KIAA1217: variants seen among roughly 807,000 people sequenced by gnomAD.
The protein encoded by KIAA1217 is sickle tail protein homolog.
In KIAA1217, 88 loss-of-function variants were observed where a neutral mutation model predicts 163.9. The observed-to-expected ratio is 0.54, with a 90% CI of 0.45 to 0.64. KIAA1217 has a LOEUF of 0.64. KIAA1217 is among the 30% of genes least tolerant of loss of function. The pLI, the probability that KIAA1217 is intolerant of heterozygous loss-of-function variation, is 0.00. For synonymous variants in KIAA1217, 903 were observed against 923.1 expected, an observed-to-expected ratio of 0.98 and a Z score of 0.39; for missense variants, 2,372 against 2,475.0, an observed-to-expected ratio of 0.96 and a Z score of 0.88.
intron 2 of KIAA1217, among the ~76,000 whole-genome samples, chr10:24,282,403 C>T (rs1274181823): frequency 6.6e-6 from 1 of 152,078 alleles, no homozygotes; most frequent in East Asian, 1.9e-4. Context: ...CTATGTTCCC[C>T]CTCCTTCAGG....
intron 1 of KIAA1217, among the ~76,000 whole-genome samples, chr10:23,934,547 G>T (rs1589105947): frequency 2.8e-5 from 3 of 106,812 alleles, no homozygotes; most frequent in Non-Finnish European, 3.9e-5. Context: ...TATATTAAGT[G>T]GTCTTTAAAG....
intron 2 of KIAA1217, among the ~76,000 whole-genome samples, chr10:24,302,007 T>A (rs2041413619): frequency 6.6e-6 from 1 of 152,154 alleles, no homozygotes; most frequent in Non-Finnish European, 1.5e-5. Context: ...ATCACGCCAC[T>A]GCACTTCAGC....
At chr10:24,130,162 G>A (rs2063601375) in intron 2 of KIAA1217, among the ~76,000 whole-genome samples, 1 of 151,842 alleles carries the variant, frequency 6.6e-6, no homozygotes, top group African/African-American at 2.4e-5. Flanking sequence ...GGGCTATTGG[G>A]TTATTATTAT....
intron 2 of KIAA1217, among the ~76,000 whole-genome samples, chr10:24,295,713 G>C (rs2040515779): frequency 6.6e-6 from 1 of 152,112 alleles, no homozygotes; most frequent in African/African-American, 2.4e-5. Flanking sequence ...GGGTCTCTTT[G>C]TTGACACTGG....
intron 1 of KIAA1217, among the ~76,000 whole-genome samples, chr10:23,751,280 G>A (rs533089926): frequency 1.3e-5 from 2 of 152,072 alleles, no homozygotes; most frequent in South Asian, 2.1e-4. Context: ...TGCCTGCCTC[G>A]GCCTTCCAAA....
chr10:24,080,559 C>G (rs75486823), intron 2 of KIAA1217, among the ~76,000 whole-genome samples: 4,465 of 152,198 alleles, frequency 0.029, 196 homozygotes, highest in African/African-American at 0.1. Flanking sequence ...AATAAAACCT[C>G]ACTAATTAAC....
At chr10:23,947,425 C>T (rs918306866) in intron 1 of KIAA1217, among the ~76,000 whole-genome samples, 8 of 152,178 alleles carry the variant, frequency 5.3e-5, no homozygotes, top group African/African-American at 1.7e-4. Context: ...GGAGTAATCA[C>T]GTTATGTGCA....
chr10:23,757,181 T>C (rs1324466813), intron 1 of KIAA1217, among the ~76,000 whole-genome samples: 1 of 152,208 alleles, frequency 6.6e-6, no homozygotes, highest in Admixed American at 6.5e-5. Context: ...TCTATGAACA[T>C]GTCTGTGGAA....
chr10:23,941,244 A>G (rs1301092774), intron 1 of KIAA1217, among the ~76,000 whole-genome samples: 1 of 152,264 alleles, frequency 6.6e-6, no homozygotes, highest in Non-Finnish European at 1.5e-5. Context: ...CAATACGTTT[A>G]TAAACAGGGA....
chr10:24,249,745 A>G lies in KIAA1217; in HGVS notation c.354+29836A>G, dbSNP rs115297159. ...ATTTCAAATATAGTTCTCCCAAAAAAACCCTGCGGAGAGATACCTGTAAAC... is the reference window on the plus strand; with the variant it reads ...ATTTCAAATATAGTTCTCCCAAAAAGACCCTGCGGAGAGATACCTGTAAAC... On this transcript the variant is annotated intron_variant, in intron 2 of 20. Coordinates refer to ENST00000376454, the MANE Select transcript of KIAA1217 (RefSeq NM_019590.5). Among the ~76,000 whole-genome samples the G allele has an allele frequency of 2.9e-3, 446 of 152,316 alleles. 6 individuals carry two copies. Among genetic ancestry groups the G allele is most frequent in the African/African-American group, 0.01 (421 of 41,568 alleles).
intron 15 of KIAA1217, 133 bp downstream of exon 15, chr10:24,532,126 G>A (rs1265572161): frequency 2.7e-6 from 2 of 747,520 alleles, no homozygotes; most frequent in Non-Finnish European, 3.8e-6. Context: ...TCCCCAGGAA[G>A]CACCACAGAT....
chr10:23,960,110 T>G (rs1187988796), intron 1 of KIAA1217, among the ~76,000 whole-genome samples: 4 of 150,904 alleles, frequency 2.7e-5, no homozygotes, highest in African/African-American at 9.8e-5. Context: ...AGAGATGGGG[T>G]TTCACTGTGT....
chr10:24,178,727 G>A (rs982378560), intron 2 of KIAA1217, among the ~76,000 whole-genome samples: 7 of 152,168 alleles, frequency 4.6e-5, no homozygotes, highest in African/African-American at 1.7e-4. Flanking sequence ...CATGGTCTTA[G>A]AACTAAGTGG....
At chr10:24,214,987 A>G (rs977984857) in intron 1 of KIAA1217, among the ~76,000 whole-genome samples, 3 of 152,222 alleles carry the variant, frequency 2.0e-5, no homozygotes, top group Non-Finnish European at 4.4e-5. Context: ...CAGCGCCTGC[A>G]GTTGCCTGCC....
At chr10:24,432,845 C>G in intron 3 of KIAA1217, 150 bp from the exon 4 acceptor site, 1 of 621,730 alleles carries the variant, frequency 1.6e-6, no homozygotes, top group Non-Finnish European at 2.8e-6. Flanking sequence ...CAGTGCATTC[C>G]TTGGAAATTC....
intron 2 of KIAA1217, among the ~76,000 whole-genome samples, chr10:24,082,320 G>T (rs1262388624): frequency 1.3e-5 from 2 of 151,984 alleles, no homozygotes; most frequent in African/African-American, 4.8e-5. Context: ...TGCCATGGTG[G>T]TTTGCTGCAC....
At position 24,248,670 on chromosome 10, in the gene KIAA1217, CAAAAAAAAA is replaced by C. The variant is rs929995548; in HGVS notation, c.354+28780_354+28788del. ...TGGGCAACAAAGCAAGACTCCATCT[CAAAAAAAAA>C]AAAAAAAAAAAAAAAAAATGTCCCT... On this transcript the variant is annotated intron_variant, in intron 2 of 20. Transcript: ENST00000376454. Among the ~76,000 whole-genome samples the C allele has an allele frequency of 2.5e-4, 9 of 36,460 alleles. No homozygotes were observed. In the South Asian group the frequency reaches 8.5e-3, roughly 34 times the overall value. The allele number at this position is 36,460 out of a possible 152,430, so 23.9% of individuals were successfully genotyped here. A position where few individuals can be genotyped will look rare whatever the true frequency, so the allele number is the denominator to read the frequency against.
intron 1 of KIAA1217, among the ~76,000 whole-genome samples, chr10:23,828,889 A>C (rs1838034318): frequency 6.6e-6 from 1 of 152,200 alleles, no homozygotes; most frequent in South Asian, 2.1e-4. Flanking sequence ...TTTGTTAAAT[A>C]CTTTACATAT....
intron 2 of KIAA1217, among the ~76,000 whole-genome samples, chr10:24,062,790 TCCAGCA>T (rs1408136878): frequency 1.3e-5 from 2 of 152,118 alleles, no homozygotes; most frequent in Non-Finnish European, 2.9e-5. Context: ...CCACATCCTC[TCCAGCA>T]CCTGTTGTTT....
Sources: allele counts gnomAD v4.1 joint callset (sites outside exome capture counted in the v4.1 genomes callset), GRCh38; gene constraint gnomAD v4.1.1; transcripts MANE v1.5; gene names NCBI Gene and HGNC (gene_info 2026-07-23, HGNC 2026-07-21).